The following CPSF6 variants were observed in gnomAD, a reference collection of about 807,000 sequenced individuals.
CPSF6 encodes the protein cleavage and polyadenylation specificity factor subunit 6.
A neutral mutation model predicts 56.7 loss-of-function variants in CPSF6; 10 were observed. The observed-to-expected ratio is 0.18, with a 90% CI of 0.11 to 0.30. CPSF6 has a LOEUF of 0.30. Among genes scored for constraint, CPSF6 ranks in the 10% least tolerant of loss-of-function variants. The pLI is 1.00. For missense variants in CPSF6, 419 were observed against 722.9 expected (o/e 0.58, Z 4.82); for synonymous variants, 248 against 244.8 (o/e 1.01, Z -0.12).
intron 1 of CPSF6, among the ~76,000 whole-genome samples, chr12:69,240,168 C>T (rs566724502): frequency 6.6e-6 from 1 of 152,012 alleles, no homozygotes; most frequent in Non-Finnish European, 1.5e-5. Context: ...CGCTGCCGCT[C>T]GGGCTCCGAT....
intron 3 of CPSF6, 106 bp downstream of exon 3, chr12:69,253,260 A>C (rs1872338461): frequency 1.8e-6 from 1 of 561,466 alleles, no homozygotes; most frequent in Non-Finnish European, 3.2e-6. Context: ...ACACATGTAT[A>C]CAAACAACAC....
At chr12:69,248,885 G>C (rs1872054112) in intron 1 of CPSF6, among the ~76,000 whole-genome samples, 1 of 152,060 alleles carries the variant, frequency 6.6e-6, no homozygotes, top group Admixed American at 6.5e-5. Flanking sequence ...ATGATTACTT[G>C]AGGTCCCTTT....
chr12:69,254,183 T>TA (rs35061726), intron 3 of CPSF6, among the ~76,000 whole-genome samples: 55,904 of 150,962 alleles, frequency 0.37, 10,885 homozygotes, highest in Non-Finnish European at 0.44. Flanking sequence ...ACAGAAGTTC[T>TA]AAAAAAAAAA....
intron 1 of CPSF6, 58 bp downstream of exon 1, chr12:69,239,764 G>A: frequency 1.3e-6 from 2 of 1,499,830 alleles, no homozygotes; most frequent in South Asian, 1.2e-5. Context: ...CCGGGAAGCT[G>A]ACCCGGGGCC....
Position 69,258,554 on chromosome 12 carries a change from G to GT in CPSF6, c.695-35dup. ...AAAGTTAAAATATCTTATTAGTGAA[G>GT]TGTTTTTTTTTCTCTCTTTCTCCTT... On this transcript the variant is annotated intron_variant, in intron 5 of 9. Transcript: ENST00000435070. The surrounding 1 kb of genome is among the most constrained non-coding windows in gnomAD (Gnocchi z 4.2). 2 of 1,416,456 alleles carry GT rather than the reference G, an allele frequency of 1.4e-6. No homozygotes were observed. Among genetic ancestry groups the GT allele is most frequent in the Non-Finnish European group, 9.2e-7 (1 of 1,084,414 alleles). 87.7% of individuals were successfully genotyped at this position (1,416,456 alleles called of 1,614,324 possible).
rs5798930 is a variant in CPSF6, at chr12:69,258,556, GT to G, written c.695-25del. On this transcript the variant is annotated intron_variant, in intron 5 of 9. Coordinates refer to ENST00000435070, the MANE Select transcript of CPSF6 (RefSeq NM_007007.3). The surrounding 1 kb of genome is among the most constrained non-coding windows in gnomAD (Gnocchi z 4.2). The stretch of plus-strand genomic sequence containing the variant: ...AGTTAAAATATCTTATTAGTGAAGT[GT>G]TTTTTTTTCTCTCTTTCTCCTTTGT... 3.4e-6 allele frequency: 5 copies of G among 1,461,054 alleles called. No homozygotes were observed. Among genetic ancestry groups the G allele is most frequent in the East Asian group, 4.7e-5 (2 of 42,470 alleles). The allele number at this position is 1,461,054 out of a possible 1,614,324, so 90.5% of individuals were successfully genotyped here.
Position 69,259,600 on chromosome 12 carries a change from A to ATAG in CPSF6, c.1315+57_1315+58insTAG, listed in dbSNP as rs1565648698. On this transcript the variant is annotated intron_variant, in intron 7 of 9. Transcript: ENST00000435070. ...TTTATGTTATTAGGAATGACCTAAA[A>ATAG]ATGTAAGTACAATCTAGAAGATAGG... 2.1e-6 allele frequency: 3 copies of ATAG among 1,425,022 alleles called. No individual in the cohort carries two copies. The African/African-American group carries it at 4.3e-5, about 21-fold the overall frequency. The allele number at this position is 1,425,022 out of a possible 1,614,324, so 88.3% of individuals were successfully genotyped here. A position where few individuals can be genotyped will look rare whatever the true frequency, so the allele number is the denominator to read the frequency against.
chr12:69,252,083 C>T lies in CPSF6; in HGVS notation c.270+745C>T, dbSNP rs12310259. 3,335 of 454,812 alleles carry T rather than the reference C, an allele frequency of 7.3e-3. 24 individuals carry two copies. Among genetic ancestry groups the T allele is most frequent in the African/African-American group, 0.026 (1,312 of 49,886 alleles). 28.2% of individuals were successfully genotyped at this position (454,812 alleles called of 1,614,324 possible). On this transcript the variant is annotated intron_variant, in intron 2 of 9. Transcript: ENST00000435070. ...ACGTTTTATTTACATTTCTTTTTTT[C>T]AGGGGGAGACAGAATTTGCAAAACT...
chr12:69,262,473 A>G lies in CPSF6; in HGVS notation c.1570A>G (p.Arg524Gly). ...RDRHDDYYRERSRERERHRDR... is the reference protein window; with the variant it reads ...RDRHDDYYREGSRERERHRDR... ...CCGTCATGACGATTATTACAGAGAGAGAAGCAGAGAACGAGAGAGGCACCG... is the reference window on the plus strand; with the variant it reads ...CCGTCATGACGATTATTACAGAGAGGGAAGCAGAGAACGAGAGAGGCACCG... The change falls in exon 9 of 10, where the codon AGA becomes GGA. Residue 524 changes from arginine to glycine, a missense_variant. By Grantham distance (125) the Arg-to-Gly change is moderately radical (BLOSUM62 -2). Coordinates refer to ENST00000435070, the MANE Select transcript of CPSF6 (RefSeq NM_007007.3). 1 of 1,614,100 alleles carries G rather than the reference A, an allele frequency of 6.2e-7. No homozygotes were observed. The highest frequency in any genetic ancestry group is 8.5e-7 in the Non-Finnish European group (1 of 1,179,980).
intron 9 of CPSF6, among the ~76,000 whole-genome samples, chr12:69,267,885 T>C (rs1055803097): frequency 1.3e-5 from 2 of 151,836 alleles, no homozygotes; most frequent in African/African-American, 2.4e-5. Flanking sequence ...TATATAAAAA[T>C]AGTATAATTC....
chr12:69,240,149 C>T (rs572149250), intron 1 of CPSF6, among the ~76,000 whole-genome samples: 1 of 151,980 alleles, frequency 6.6e-6, no homozygotes, highest in Non-Finnish European at 1.5e-5. Flanking sequence ...GCCGCCGCCC[C>T]TTCCCCGCCG....
intron 3 of CPSF6, among the ~76,000 whole-genome samples, chr12:69,255,568 G>C (rs1183914404): frequency 6.6e-6 from 1 of 152,140 alleles, no homozygotes; most frequent in Non-Finnish European, 1.5e-5. Context: ...TTGAGACAGA[G>C]TCTCACTCTG....
Position 69,249,266 on chromosome 12 carries a change from G to A in CPSF6, c.61-1863G>A, listed in dbSNP as rs181908311. ...AGCCTGGGCGACAGAGCAAGACTCC[G>A]TCTCAAAAAAATAAATAAATAAAAA... On this transcript the variant is annotated intron_variant, in intron 1 of 9. Coordinates refer to ENST00000435070, the MANE Select transcript of CPSF6 (RefSeq NM_007007.3). Among the ~76,000 whole-genome samples, 1,435 of 144,784 alleles carry A rather than the reference G, an allele frequency of 9.9e-3. 36 individuals are homozygous for A. Among genetic ancestry groups the A allele is most frequent in the African/African-American group, 0.035 (1,340 of 38,540 alleles). 95.0% of individuals were successfully genotyped at this position (144,784 alleles called of 152,430 possible).
At position 69,267,036 on chromosome 12, in the gene CPSF6, A is replaced by G. The variant is rs78944779; in HGVS notation, c.*4-2476A>G. On this transcript the variant is annotated intron_variant, in intron 9 of 9. Transcript: ENST00000435070. ...ATGTAGATAATTATTTCTCTTGCCCACCTCATTTCCATTCCTCTTATTAAG... is the reference window on the plus strand; with the variant it reads ...ATGTAGATAATTATTTCTCTTGCCCGCCTCATTTCCATTCCTCTTATTAAG... 5.7e-3 allele frequency among the ~76,000 whole-genome samples: 869 copies of G among 152,154 alleles called. 3 individuals are homozygous for G. The highest frequency in any genetic ancestry group is 0.02 in the African/African-American group (829 of 41,566).
intron 2 of CPSF6, 88 bp from the exon 3 acceptor site, chr12:69,252,963 G>A: frequency 1.4e-6 from 1 of 727,664 alleles, no homozygotes; most frequent in Non-Finnish European, 2.2e-6. Flanking sequence ...TCTCTTTTAT[G>A]TCTCAAATTT....
In CPSF6 at chr12:69,257,734, A is replaced by G. The variant is rs777631986; in HGVS notation, c.523A>G (p.Thr175Ala). 3 of 1,605,796 alleles carry G rather than the reference A, an allele frequency of 1.9e-6. 1 individual carries two copies. In the South Asian group the frequency reaches 3.4e-5, roughly 18 times the overall value. Reference protein sequence around the residue: ...SQFEMQSRKTTQSGQMSGEGK... With the variant: ...SQFEMQSRKTAQSGQMSGEGK... ...TATGAGTATTTGGATATTTGCAGCTACACAATCAGGACAAATGTCTGGGGA... is the reference window on the plus strand; with the variant it reads ...TATGAGTATTTGGATATTTGCAGCTGCACAATCAGGACAAATGTCTGGGGA... Residue 175 changes from threonine to alanine, a missense_variant and splice_region_variant, in exon 5 of 10, where the codon ACA becomes GCA. Coordinates refer to ENST00000435070, the MANE Select transcript of CPSF6 (RefSeq NM_007007.3).
chr12:69,244,637 T>A (rs1039631404), intron 1 of CPSF6, among the ~76,000 whole-genome samples: 2 of 152,090 alleles, frequency 1.3e-5, no homozygotes, highest in Non-Finnish European at 2.9e-5. Context: ...CATGTGATCC[T>A]CTTGCCTCAG....
At chr12:69,240,424 C>T (rs975952502) in intron 1 of CPSF6, among the ~76,000 whole-genome samples, 4 of 152,164 alleles carry the variant, frequency 2.6e-5, no homozygotes, top group Non-Finnish European at 5.9e-5. Flanking sequence ...CTGGTCCTGC[C>T]TCATTAATCC....
At chr12:69,250,608 G>GA (rs61008772) in intron 1 of CPSF6, among the ~76,000 whole-genome samples, 1 of 133,340 alleles carries the variant, frequency 7.5e-6, no homozygotes, top group African/African-American at 2.8e-5. Context: ...AAAAAAAAAA[G>GA]AAAAAAAAGA....
Sources: allele counts gnomAD v4.1 joint callset (sites outside exome capture counted in the v4.1 genomes callset), GRCh38; gene constraint gnomAD v4.1.1; non-coding constraint Gnocchi (gnomAD v3.1); transcripts MANE v1.5; gene names NCBI Gene and HGNC (gene_info 2026-07-23, HGNC 2026-07-21).